The following TAF3 variants were observed in gnomAD, a reference collection of about 807,000 sequenced individuals.
TAF3 encodes the protein TATA-box binding protein associated factor 3.
TAF3 carries 7 observed loss-of-function variants against 80.6 expected under a neutral mutation model. That is an observed-to-expected ratio of 0.09 (90% CI 0.05 to 0.16). The LOEUF (loss-of-function observed/expected upper bound fraction) is 0.16, where lower values mean the gene tolerates loss of function less well. TAF3 is among the 10% of genes least tolerant of loss of function. TAF3 has a pLI of 1.00. For missense variants in TAF3, 921 were observed against 1,140.2 expected, an observed-to-expected ratio of 0.81 and a Z score of 2.77; for synonymous variants, 444 against 446.1, an observed-to-expected ratio of 1.00 and a Z score of 0.06.
intron 2 of TAF3, among the ~76,000 whole-genome samples, chr10:7,833,033 C>A (rs898700792): frequency 6.6e-6 from 1 of 152,148 alleles, no homozygotes; most frequent in African/African-American, 2.4e-5. Flanking sequence ...ACTTTAGTCA[C>A]CCTGTGGTGC....
At chr10:7,830,642 G>A (rs951194549) in intron 2 of TAF3, among the ~76,000 whole-genome samples, 2 of 151,606 alleles carry the variant, frequency 1.3e-5, no homozygotes, top group South Asian at 4.2e-4. Flanking sequence ...TGCCACTGTG[G>A]CTGGCTAATT....
At chr10:7,943,086 C>T (rs868144652) in intron 2 of TAF3, among the ~76,000 whole-genome samples, 8 of 152,196 alleles carry the variant, frequency 5.3e-5, no homozygotes, top group African/African-American at 9.7e-5. Context: ...TACTTAGCAG[C>T]GGTTGTGATC....
At chr10:7,951,075 C>T (rs564126424) in intron 2 of TAF3, among the ~76,000 whole-genome samples, 4 of 152,312 alleles carry the variant, frequency 2.6e-5, no homozygotes, top group African/African-American at 9.6e-5. Context: ...CATCGATTAG[C>T]TGATGAAAAT....
intron 2 of TAF3, among the ~76,000 whole-genome samples, chr10:7,916,472 A>T (rs2065431): frequency 1.3e-5 from 2 of 152,016 alleles, no homozygotes; most frequent in East Asian, 1.9e-4. Flanking sequence ...AAAATATGTC[A>T]GTGTATCTGC....
At chr10:7,832,377 C>T (rs554498497) in intron 2 of TAF3, among the ~76,000 whole-genome samples, 1 of 152,150 alleles carries the variant, frequency 6.6e-6, no homozygotes, top group African/African-American at 2.4e-5. Flanking sequence ...AAATTTCCTT[C>T]TTTTTTTAAA....
At chr10:8,008,213 C>G (rs569456481) in intron 4 of TAF3, among the ~76,000 whole-genome samples, 7 of 151,294 alleles carry the variant, frequency 4.6e-5, no homozygotes, top group Non-Finnish European at 7.4e-5. Context: ...TCTCCTGCCT[C>G]AGCCTCCTGA....
At chr10:7,878,332 A>C (rs1196122282) in intron 2 of TAF3, among the ~76,000 whole-genome samples, 1 of 152,216 alleles carries the variant, frequency 6.6e-6, no homozygotes, top group East Asian at 1.9e-4. Flanking sequence ...CTCCAACTGC[A>C]CACAGTGTGA....
chr10:7,992,240 G>T (rs965576232), intron 4 of TAF3, among the ~76,000 whole-genome samples: 1 of 152,184 alleles, frequency 6.6e-6, no homozygotes, highest in Non-Finnish European at 1.5e-5. Flanking sequence ...TGACTCCAGA[G>T]AATTTGGTTT....
In TAF3 at chr10:7,984,865, T is replaced by C. The variant is rs996136625; in HGVS notation, c.2315+7542T>C. ...TTGGATGCTATCTGATTATAATTTC[T>C]CCTAAAGATCAAACTACTCACACTT... On this transcript the variant is annotated intron_variant, in intron 4 of 6. Coordinates refer to ENST00000344293, the MANE Select transcript of TAF3 (RefSeq NM_031923.4). Among the ~76,000 whole-genome samples the C allele has an allele frequency of 2.0e-5, 3 of 152,220 alleles. No homozygotes were observed. The South Asian group carries it at 6.2e-4, about 32-fold the overall frequency.
intron 4 of TAF3, among the ~76,000 whole-genome samples, chr10:7,999,989 C>T (rs1831927822): frequency 6.6e-6 from 1 of 152,156 alleles, no homozygotes; most frequent in South Asian, 2.1e-4. Context: ...CATTTTTTCC[C>T]CAGTAAATTA....
chr10:7,890,794 A>G lies in TAF3; in HGVS notation c.409+66234A>G, dbSNP rs564336987. ...AGATACTTCCTCACACCTACGTCAT[A>G]CATTTTTTTCCCAAGTGATTAGTCT... On this transcript the variant is annotated intron_variant, in intron 2 of 6. Transcript: ENST00000344293. 2.6e-5 allele frequency among the ~76,000 whole-genome samples: 4 copies of G among 152,338 alleles called. No homozygotes were observed. The East Asian group carries it at 7.7e-4, about 29-fold the overall frequency.
intron 2 of TAF3, among the ~76,000 whole-genome samples, chr10:7,930,980 A>G (rs193284213): frequency 6.6e-6 from 1 of 152,314 alleles, no homozygotes; most frequent in East Asian, 1.9e-4. Context: ...TGTGCTGCAC[A>G]CTATAAATAG....
intron 2 of TAF3, among the ~76,000 whole-genome samples, chr10:7,844,338 C>G (rs1453894808): frequency 6.6e-6 from 1 of 151,224 alleles, no homozygotes; most frequent in African/African-American, 2.4e-5. Context: ...TAACACAGTT[C>G]TCTCATTCTG....
chr10:7,965,031 G>A lies in TAF3; in HGVS notation c.1521G>A (p.Lys507=). 1.2e-6 allele frequency: 2 copies of A among 1,613,900 alleles called. No homozygotes were observed. Among genetic ancestry groups the A allele is most frequent in the Non-Finnish European group, 1.7e-6 (2 of 1,180,014 alleles). Residue 507 remains lysine, a synonymous_variant, in exon 3 of 7, where the codon AAG becomes AAA. Coordinates refer to ENST00000344293, the MANE Select transcript of TAF3 (RefSeq NM_031923.4). ...CTCCCACTCCCGAACCTCTCCACAA[G>A]GTGTATGAGGAGAAAACCAAGCTGC... ...VSPPTPEPLH[K]VYEEKTKLPS...
chr10:7,883,290 C>A (rs1837378603), intron 2 of TAF3, among the ~76,000 whole-genome samples: 2 of 152,158 alleles, frequency 1.3e-5, no homozygotes, highest in South Asian at 4.1e-4. Flanking sequence ...AGAGAACAAA[C>A]TAGTTATTTT....
intron 2 of TAF3, among the ~76,000 whole-genome samples, chr10:7,842,270 C>G (rs145447351): frequency 5.1e-4 from 76 of 148,082 alleles, no homozygotes; most frequent in African/African-American, 1.8e-3. Flanking sequence ...GCCTCCCGGG[C>G]TCAAGCAGTC....
At chr10:7,977,212 A>T (rs1564375804) in intron 3 of TAF3, 29 bp from the exon 4 acceptor site, 1 of 1,611,014 alleles carries the variant, frequency 6.2e-7, no homozygotes, top group East Asian at 2.2e-5. Context: ...GAAAAACCAT[A>T]TTGAACTTTA....
intron 2 of TAF3, among the ~76,000 whole-genome samples, chr10:7,928,819 T>A (rs1192209236): frequency 1.3e-5 from 2 of 152,172 alleles, no homozygotes; most frequent in Admixed American, 6.5e-5. Context: ...AGAGCTATAT[T>A]CTGAAATACC....
At chr10:7,859,161 TGAGGCAGGAGAATGGCGTGAACCCAG>T (rs1465672679) in intron 2 of TAF3, among the ~76,000 whole-genome samples, 1 of 151,988 alleles carries the variant, frequency 6.6e-6, no homozygotes, top group African/African-American at 2.4e-5. Context: ...CTCGGGAGGC[TGAGGCAGGAGAATGGCGTGAACCCAG>T]GAGGCGGATC....
Sources: gnomAD v4.1 joint callset for allele counts (sites outside exome capture counted in the v4.1 genomes callset) on GRCh38, gnomAD v4.1.1 for gene constraint, MANE v1.5 for transcripts, NCBI Gene and HGNC (gene_info 2026-07-23, HGNC 2026-07-21) for gene names.